The following L3MBTL4 variants were observed in gnomAD, a reference collection of about 807,000 sequenced individuals.
L3MBTL4 encodes lethal(3)malignant brain tumor-like protein 4.
L3MBTL4 carries 70 observed loss-of-function variants against 84.5 expected under a neutral mutation model. The observed-to-expected ratio is 0.83, with a 90% CI of 0.68 to 1.01. L3MBTL4 has a LOEUF of 1.01. L3MBTL4 is among the 50% of genes least tolerant of loss of function. L3MBTL4 has a pLI of 0.00. For missense variants in L3MBTL4, 715 were observed against 754.8 expected (o/e 0.95, Z 0.62); for synonymous variants, 274 against 259.8 (o/e 1.05, Z -0.52).
At chr18:6,030,914 C>A in intron 16 of L3MBTL4, 1 of 985,070 alleles carries the variant, frequency 1.0e-6, no homozygotes, top group East Asian at 1.1e-4. Context: ...GAGGTTTTTC[C>A]CTTTATAAAT....
chr18:5,971,069 C>A (rs1195404517), intron 16 of L3MBTL4, among the ~76,000 whole-genome samples: 2 of 152,248 alleles, frequency 1.3e-5, no homozygotes, highest in African/African-American at 4.8e-5. Context: ...CCAACACTGA[C>A]CTTTTTAGTA....
intron 7 of L3MBTL4, among the ~76,000 whole-genome samples, chr18:6,242,634 C>T (rs1251156888): frequency 6.6e-6 from 1 of 152,148 alleles, no homozygotes; most frequent in African/African-American, 2.4e-5. Context: ...ATACTGACTC[C>T]AGAAGTTGCC....
intron 3 of L3MBTL4, among the ~76,000 whole-genome samples, chr18:6,306,921 C>G (rs575124805): frequency 4.2e-4 from 64 of 152,280 alleles, no homozygotes; most frequent in African/African-American, 1.5e-3. Context: ...ACCCATGCCC[C>G]AACCCCATCC....
intron 12 of L3MBTL4, among the ~76,000 whole-genome samples, chr18:6,204,036 T>C (rs1336758398): frequency 6.6e-6 from 1 of 152,202 alleles, no homozygotes; most frequent in Non-Finnish European, 1.5e-5. Flanking sequence ...ACTGGCATGC[T>C]GCCCAGCCTG....
At chr18:6,081,172 C>T (rs2143270071) in intron 15 of L3MBTL4, 1 of 411,172 alleles carries the variant, frequency 2.4e-6, no homozygotes, top group East Asian at 4.0e-5. Context: ...AAAGGCCTTT[C>T]CCCCCTCATT....
At chr18:5,996,819 C>T (rs2053994022) in intron 16 of L3MBTL4, among the ~76,000 whole-genome samples, 1 of 152,080 alleles carries the variant, frequency 6.6e-6, no homozygotes, top group African/African-American at 2.4e-5. Flanking sequence ...AGGACTTAAG[C>T]CCTATTTAGA....
chr18:6,371,749 C>T (rs548588965), intron 1 of L3MBTL4, among the ~76,000 whole-genome samples: 108 of 152,236 alleles, frequency 7.1e-4, no homozygotes, highest in African/African-American at 2.5e-3. Context: ...TAGATGCCAA[C>T]CTATAATAAA....
chr18:6,263,921 A>G, intron 5 of L3MBTL4, 26 bp downstream of exon 5: 1 of 1,557,120 alleles, frequency 6.4e-7, no homozygotes, highest in Non-Finnish European at 8.9e-7. Flanking sequence ...CTTCCTTGCA[A>G]AAATATAAGT....
intron 1 of L3MBTL4, chr18:6,356,813 C>A (rs2053469238): frequency 6.6e-6 from 1 of 151,970 alleles, no homozygotes; most frequent in African/African-American, 2.4e-5. Context: ...TTAAGCTATG[C>A]CAAATTTATT....
At chr18:6,352,111 T>C (rs1295667151) in intron 1 of L3MBTL4, among the ~76,000 whole-genome samples, 2 of 151,430 alleles carry the variant, frequency 1.3e-5, no homozygotes, top group African/African-American at 4.9e-5. Context: ...TAAATTTTTT[T>C]GCTTCTCTCC....
At chr18:6,240,775 T>C (rs1306357118) in intron 8 of L3MBTL4, among the ~76,000 whole-genome samples, 1 of 152,216 alleles carries the variant, frequency 6.6e-6, no homozygotes, top group East Asian at 1.9e-4. Flanking sequence ...AGAAGTGATG[T>C]CTGGAGAAAT....
chr18:6,151,641 C>T (rs1168353375), intron 13 of L3MBTL4, among the ~76,000 whole-genome samples: 6 of 152,022 alleles, frequency 3.9e-5, no homozygotes, highest in South Asian at 2.1e-4. Flanking sequence ...GTGATCCACC[C>T]GCCTCGACCT....
chr18:5,990,549 A>G (rs987771783), intron 16 of L3MBTL4, among the ~76,000 whole-genome samples: 1 of 152,214 alleles, frequency 6.6e-6, no homozygotes, highest in Non-Finnish European at 1.5e-5. Flanking sequence ...TATCATATAT[A>G]TGAAAAAGGG....
intron 1 of L3MBTL4, among the ~76,000 whole-genome samples, chr18:6,333,048 T>A (rs1215407315): frequency 6.6e-6 from 1 of 152,040 alleles, no homozygotes; most frequent in South Asian, 2.1e-4. Flanking sequence ...TTCTTCCAAC[T>A]ACCTTAAAAG....
At chr18:6,170,815 C>A (rs2043934170) in intron 13 of L3MBTL4, among the ~76,000 whole-genome samples, 1 of 152,040 alleles carries the variant, frequency 6.6e-6, no homozygotes, top group Non-Finnish European at 1.5e-5. Flanking sequence ...AAAAGCGAGA[C>A]CAGAGGAAAC....
intron 4 of L3MBTL4, among the ~76,000 whole-genome samples, chr18:6,292,207 C>G (rs555343823): frequency 6.6e-6 from 1 of 152,148 alleles, no homozygotes; most frequent in African/African-American, 2.4e-5. Context: ...TCAATGGCTA[C>G]GACAGGTTTC....
At chr18:6,005,849 T>C (rs112723803) in intron 16 of L3MBTL4, among the ~76,000 whole-genome samples, 6,531 of 152,286 alleles carry the variant, frequency 0.043, 192 homozygotes, top group Admixed American at 0.09. Context: ...TTTGGGTATG[T>C]ACCTGAAAAT....
chr18:6,161,957 T>A (rs868585429), intron 13 of L3MBTL4, among the ~76,000 whole-genome samples: 1 of 150,648 alleles, frequency 6.6e-6, no homozygotes, highest in Non-Finnish European at 1.5e-5. Flanking sequence ...CTAAGAAAGC[T>A]AAGAGAGAAT....
At chr18:6,015,498 G>T (rs757194124) in intron 16 of L3MBTL4, among the ~76,000 whole-genome samples, 17 of 152,144 alleles carry the variant, frequency 1.1e-4, no homozygotes, top group Non-Finnish European at 1.9e-4. Flanking sequence ...GGGGGATCTA[G>T]AACAACACTT....
Sources: gnomAD v4.1 joint callset for allele counts (sites outside exome capture counted in the v4.1 genomes callset) on GRCh38, gnomAD v4.1.1 for gene constraint, MANE v1.5 for transcripts, NCBI Gene and HGNC (gene_info 2026-07-23, HGNC 2026-07-21) for gene names.